The following SYS1 variants were observed in gnomAD, a reference collection of about 807,000 sequenced individuals.
SYS1 encodes SYS1 golgi trafficking protein.
In SYS1, 8 loss-of-function variants were observed where a neutral mutation model predicts 17.8. The observed-to-expected ratio is 0.45, with a 90% confidence interval of 0.26 to 0.81. The LOEUF is 0.81. Among genes scored for constraint, SYS1 ranks in the 40% least tolerant of loss-of-function variants. SYS1 has a pLI of 0.16. For missense variants in SYS1, 161 were observed against 203.9 expected, an observed-to-expected ratio of 0.79 and a Z score of 1.28; for synonymous variants, 95 against 90.9, an observed-to-expected ratio of 1.05 and a Z score of -0.26.
chr20:45,368,404 A>T lies in SYS1; in HGVS notation c.*1289A>T. On this transcript the variant is annotated 3_prime_UTR_variant, in exon 4 of 4. Coordinates refer to ENST00000243918, the MANE Select transcript of SYS1 (RefSeq NM_033542.4). ...ATGGAGCGGCACACAGTCTAGACCC[A>T]CTTCCGCATTGAAACCTTCACTGTT... is the stretch of plus-strand genomic sequence containing the variant. 1 of 985,388 alleles carries T rather than the reference A, an allele frequency of 1.0e-6. No homozygotes were observed. Among genetic ancestry groups the T allele is most frequent in the Non-Finnish European group, 1.2e-6 (1 of 829,926 alleles). The allele number at this position is 985,388 out of a possible 1,614,324, so 61.0% of individuals were successfully genotyped here.
At position 45,368,609 on chromosome 20, in the gene SYS1, T is replaced by G; in HGVS notation, c.*1494T>G. The G allele has an allele frequency of 4.1e-6, 4 of 985,388 alleles. No individual in the cohort carries two copies. Among genetic ancestry groups the G allele is most frequent in the Non-Finnish European group, 4.8e-6 (4 of 829,928 alleles). The allele number at this position is 985,388 out of a possible 1,614,324, so 61.0% of individuals were successfully genotyped here. A position where few individuals can be genotyped will look rare whatever the true frequency, so the allele number is the denominator to read the frequency against. ...TGCTGACAGGATGAAGATTTAGGAA[T>G]AAATATGCCTGGGAAGAGACTGGGA... On this transcript the variant is annotated 3_prime_UTR_variant, in exon 4 of 4. Transcript: ENST00000243918.
chr20:45,373,505 C>A (rs577886082), downstream of SYS1: 1 of 248,468 alleles, frequency 4.0e-6, no homozygotes, highest in African/African-American at 2.2e-5. Context: ...TTCGCCTTTT[C>A]CCTTTCTTGG....
chr20:45,369,596 CTTTTTTTTT>C (rs573922300), downstream of SYS1, among the ~76,000 whole-genome samples: 8 of 102,876 alleles, frequency 7.8e-5, no homozygotes, highest in East Asian at 2.7e-4. Flanking sequence ...CAGAGATTTC[CTTTTTTTTT>C]TTTTTTTTTT....
At chr20:45,374,089 A>T, downstream of SYS1, 1 of 1,363,816 alleles carries the variant, frequency 7.3e-7, no homozygotes, top group Non-Finnish European at 1.0e-6. Flanking sequence ...GGGCGCAGGG[A>T]CAAGGGTGCT....
rs1304432844 is a variant in SYS1, at chr20:45,365,649, C to T, written c.193C>T (p.Leu65Phe). The T allele has an allele frequency of 3.1e-6, 5 of 1,614,214 alleles. No individual in the cohort carries two copies. Among genetic ancestry groups the T allele is most frequent in the Non-Finnish European group, 4.2e-6 (5 of 1,180,032 alleles). ...GGGCTTTTCCACCCCTCCAGGCCGG[C>T]TCTCCATGATGTCCTTCATCCTCAA... The part of the protein sequence containing the change: ...ILGFSTPPGR[L>F]SMMSFILNAL... The change falls in exon 3 of 4, where the codon CTC becomes TTC. Residue 65 changes from leucine (L) to phenylalanine (F), a missense_variant. By Grantham distance (22) the Leu-to-Phe change is conservative (BLOSUM62 0). Coordinates refer to ENST00000243918, the MANE Select transcript of SYS1 (RefSeq NM_033542.4).
At position 45,368,546 on chromosome 20, in the gene SYS1, GA is replaced by G; in HGVS notation, c.*1432del. 1.0e-6 allele frequency: 1 copy of G among 985,428 alleles called. No homozygotes were observed. The highest frequency in any genetic ancestry group is 4.7e-5 in the South Asian group (1 of 21,290). 61.0% of individuals were successfully genotyped at this position (985,428 alleles called of 1,614,324 possible). Reference sequence around the variant, plus strand: ...TGCTATCTCTCTGAGAAGCTCATCTGACCTCCTGACTCTCAGCCCTACAGAG... The same window carrying G: ...TGCTATCTCTCTGAGAAGCTCATCTGCCTCCTGACTCTCAGCCCTACAGAG... On this transcript the variant is annotated 3_prime_UTR_variant, in exon 4 of 4. Transcript: ENST00000243918.
exon 4 of SYS1, chr20:45,375,718 T>C: frequency 1.3e-6 from 1 of 777,418 alleles, no homozygotes; most frequent in Non-Finnish European, 2.0e-6. Context: ...GGAGGTGTGA[T>C]GAGCACTAGC....
rs1012578632 is a variant in SYS1, at chr20:45,368,120, G to T, written c.*1005G>T. ...CAAATACAGTATTTTCCATGGTTCT[G>T]CCTGCACTTACTTTGTAATGCCACG... On this transcript the variant is annotated 3_prime_UTR_variant, in exon 4 of 4. Transcript: ENST00000243918. The T allele has an allele frequency of 3.0e-6, 3 of 985,264 alleles. No individual in the cohort carries two copies. The African/African-American group carries it at 5.2e-5, about 17-fold the overall frequency. The allele number at this position is 985,264 out of a possible 1,614,324, so 61.0% of individuals were successfully genotyped here.
chr20:45,367,144 A>T lies in SYS1; in HGVS notation c.*29A>T, dbSNP rs569244951. Reference sequence around the variant, plus strand: ...CAGGCCCTTTGGACATCCTGCTGACACTTGGGCCCCTTAACACCTTGGGCT... The same window carrying T: ...CAGGCCCTTTGGACATCCTGCTGACTCTTGGGCCCCTTAACACCTTGGGCT... On this transcript the variant is annotated 3_prime_UTR_variant, in exon 4 of 4. Coordinates refer to ENST00000243918, the MANE Select transcript of SYS1 (RefSeq NM_033542.4). 30 of 1,612,476 alleles carry T rather than the reference A, an allele frequency of 1.9e-5. No homozygotes were observed. In the South Asian group the frequency reaches 3.0e-4, roughly 16 times the overall value.
upstream of SYS1, chr20:45,362,951 AAAAAAAG>A (rs1450409765): frequency 1.2e-5 from 3 of 241,312 alleles, no homozygotes; most frequent in African/African-American, 2.3e-5. Context: ...GCCTTCCTTT[AAAAAAAG>A]AATTCCCCTC....
At position 45,369,050 on chromosome 20, in the gene SYS1, A is replaced by G. The variant is rs753869836; in HGVS notation, c.*1935A>G. On this transcript the variant is annotated 3_prime_UTR_variant, in exon 4 of 4. Coordinates refer to ENST00000243918, the MANE Select transcript of SYS1 (RefSeq NM_033542.4). ...TTCAGTAATATGGAGACTGAGCTGCATGGTAGTTGGGGATCAAAAATATGT... is the reference window on the plus strand; with the variant it reads ...TTCAGTAATATGGAGACTGAGCTGCGTGGTAGTTGGGGATCAAAAATATGT... 20 of 186,216 alleles carry G rather than the reference A, an allele frequency of 1.1e-4. No individual in the cohort carries two copies. The highest frequency in any genetic ancestry group is 1.6e-4 in the Non-Finnish European group (16 of 99,216). The allele number at this position is 186,216 out of a possible 1,614,324, so 11.5% of individuals were successfully genotyped here.
At chr20:45,365,820 C>G in intron 3 of SYS1, 134 bp downstream of exon 3, 1 of 831,896 alleles carries the variant, frequency 1.2e-6, no homozygotes, top group Non-Finnish European at 2.1e-6. Flanking sequence ...GAGGCCAGTT[C>G]TGGGACCAGC....
At chr20:45,375,273 G>A in exon 4 of SYS1, 2 of 1,614,182 alleles carry the variant, frequency 1.2e-6, no homozygotes, top group South Asian at 2.2e-5. Flanking sequence ...GGCCCTCGGT[G>A]AGTGGTTGCC....
intron 3 of SYS1, 124 bp from the exon 4 acceptor site, chr20:45,366,751 C>T (rs990218081): frequency 3.8e-6 from 3 of 797,228 alleles, no homozygotes; most frequent in Admixed American, 3.9e-5. Context: ...GTATCATAAC[C>T]CTTGCTTCAC....
chr20:45,367,128 T>C lies in SYS1; in HGVS notation c.*13T>C. 1 of 1,613,774 alleles carries C rather than the reference T, an allele frequency of 6.2e-7. No homozygotes were observed. On this transcript the variant is annotated 3_prime_UTR_variant, in exon 4 of 4. Coordinates refer to ENST00000243918, the MANE Select transcript of SYS1 (RefSeq NM_033542.4). Reference sequence around the variant, plus strand: ...ATCCAATGTCTAGAATCAGGCCCTTTGGACATCCTGCTGACACTTGGGCCC... The same window carrying C: ...ATCCAATGTCTAGAATCAGGCCCTTCGGACATCCTGCTGACACTTGGGCCC...
rs770739032 is a variant in SYS1 at position 45,375,234 on chromosome 20, G to A, written c.*940G>A. On this transcript the variant is annotated 3_prime_UTR_variant, in exon 4 of 4. Coordinates refer to the SYS1 transcript ENST00000426004. The stretch of plus-strand genomic sequence containing the variant: ...TCATGTGCCCCATGGGAGTTCTATT[G>A]CGGTAGGGCTTAATGAAGATGACTC... 1.2e-5 allele frequency: 19 copies of A among 1,614,058 alleles called. No homozygotes were observed. The African/African-American group carries it at 2.4e-4, about 20-fold the overall frequency.
At chr20:45,364,391 C>T (rs1988332751) in intron 2 of SYS1, among the ~76,000 whole-genome samples, 1 of 147,342 alleles carries the variant, frequency 6.8e-6, no homozygotes, top group African/African-American at 2.5e-5. Flanking sequence ...TAAGAAGGTA[C>T]TTTGTAAAGT....
At chr20:45,369,459 A>G (rs1470252754), downstream of SYS1, among the ~76,000 whole-genome samples, 1 of 152,180 alleles carries the variant, frequency 6.6e-6, no homozygotes, top group Non-Finnish European at 1.5e-5. Flanking sequence ...GTCTGGTTAA[A>G]TAGTTTATCA....
At chr20:45,365,457 G>A in intron 2 of SYS1, 162 bp from the exon 3 acceptor site, 1 of 774,244 alleles carries the variant, frequency 1.3e-6, no homozygotes, top group Non-Finnish European at 2.4e-6. Flanking sequence ...CATAATGGAT[G>A]TCTATGAAAG....
Sources: allele counts gnomAD v4.1 joint callset (sites outside exome capture counted in the v4.1 genomes callset), GRCh38; gene constraint gnomAD v4.1.1; transcripts MANE v1.5; gene names NCBI Gene and HGNC (gene_info 2026-07-23, HGNC 2026-07-21).